MYBPC1: variants seen among roughly 807,000 people sequenced by gnomAD.
MYBPC1 encodes myosin binding protein C1.
Under a neutral mutation model 147.1 loss-of-function variants are expected in MYBPC1, and 52 were observed. That is an observed-to-expected ratio of 0.35 (90% CI 0.28 to 0.45). The LOEUF (loss-of-function observed/expected upper bound fraction) is 0.45. Among genes scored for constraint, MYBPC1 ranks in the 20% least tolerant of loss-of-function variants. The pLI is 1.00. For missense variants in MYBPC1, 1,228 were observed against 1,440.3 expected (o/e 0.85, Z 2.39); for synonymous variants, 477 against 475.9 (o/e 1.00, Z -0.03).
At chr12:101,636,921 A>T in intron 10 of MYBPC1, 193 bp downstream of exon 10, 1 of 571,220 alleles carries the variant, frequency 1.8e-6, no homozygotes, top group Non-Finnish European at 3.1e-6. Flanking sequence ...AGCCTTTAAC[A>T]GTTGCTTTTA....
At chr12:101,658,001 T>G (rs11110935) in intron 18 of MYBPC1, among the ~76,000 whole-genome samples, 34,054 of 151,840 alleles carry the variant, frequency 0.22, 4,098 homozygotes, top group Middle Eastern at 0.34. Context: ...GCGTGGTGGC[T>G]GCGCCTGTAG....
intron 2 of MYBPC1, among the ~76,000 whole-genome samples, chr12:101,615,655 A>ACCCCCCCCCCCCAC (rs1318166562): frequency 2.1e-5 from 1 of 48,172 alleles, no homozygotes; most frequent in Non-Finnish European, 3.5e-5. Context: ...TATTATAAGA[A>ACCCCCCCCCCCCAC]CCCCCCGCCC....
intron 26 of MYBPC1, among the ~76,000 whole-genome samples, chr12:101,676,565 GA>G (rs1464816672): frequency 6.6e-6 from 1 of 152,034 alleles, no homozygotes; most frequent in Non-Finnish European, 1.5e-5. Context: ...GACCAGCCTG[GA>G]CAACATAGGG....
intron 3 of MYBPC1, 35 bp from the exon 4 acceptor site, chr12:101,626,837 T>A (rs1416574786): frequency 5.7e-6 from 9 of 1,579,264 alleles, no homozygotes; most frequent in Non-Finnish European, 7.8e-6. Context: ...TGAAGTCTTT[T>A]CTCCTTGACT....
Position 101,667,816 on chromosome 12 carries a change from T to C in MYBPC1, c.2441T>C (p.Phe814Ser), listed in dbSNP as rs1457011181. ...GGTCTGCCAACAGATGCAAAGATCT[T>C]TGTGCGTGTGAAGGCTGTTAATGCA... ...ITGLPTDAKI[F>S]VRVKAVNAAG... The change falls in exon 23 of 32, where the codon TTT becomes TCT. Residue 814 changes from phenylalanine to serine, a missense_variant. Physicochemically the swap from Phe to Ser is radical, Grantham distance 155 (BLOSUM62 -2). This residue lies in a region of MYBPC1 where 1,077 missense variants were observed against 1,314.2 expected (regional missense o/e 0.82). Transcript: ENST00000361466. The C allele has an allele frequency of 6.2e-7, 1 of 1,614,194 alleles. No homozygotes were observed.
chr12:101,682,313 C>T (rs763350459), intron 29 of MYBPC1, among the ~76,000 whole-genome samples: 6 of 151,804 alleles, frequency 4.0e-5, no homozygotes, highest in East Asian at 3.9e-4. Flanking sequence ...TCCTTAAAAG[C>T]GAATAGTATT....
chr12:101,610,357 C>T (rs898418530), intron 1 of MYBPC1, among the ~76,000 whole-genome samples: 1 of 152,176 alleles, frequency 6.6e-6, no homozygotes, highest in Non-Finnish European at 1.5e-5. Flanking sequence ...TCCCACTTTA[C>T]AGTAGGGGTA....
chr12:101,627,867 T>C (rs113329591), intron 5 of MYBPC1, 63 bp downstream of exon 5: 1 of 1,501,260 alleles, frequency 6.7e-7, no homozygotes. Context: ...ATGAGCTCAT[T>C]TCTTGAAGCT....
At chr12:101,655,374 A>G (rs774525025) in intron 18 of MYBPC1, among the ~76,000 whole-genome samples, 6 of 152,226 alleles carry the variant, frequency 3.9e-5, no homozygotes, top group Non-Finnish European at 5.9e-5. Context: ...TTAATAGCTA[A>G]TTAGACATTG....
chr12:101,659,949 T>G, intron 19 of MYBPC1, 118 bp downstream of exon 19: 1 of 1,337,128 alleles, frequency 7.5e-7, no homozygotes, highest in Non-Finnish European at 1.1e-6. Context: ...CTTATCTTCT[T>G]TTTTTTTCTT....
chr12:101,650,467 A>G (rs1385934627), intron 15 of MYBPC1, among the ~76,000 whole-genome samples: 1 of 152,022 alleles, frequency 6.6e-6, no homozygotes, highest in Non-Finnish European at 1.5e-5. Flanking sequence ...CCTTCTTCAC[A>G]TGGTGGCAGC....
In MYBPC1 at chr12:101,659,991, G is replaced by C. The variant is rs569274005; in HGVS notation, c.1927+160G>C. ...AGGACTTATCATTGGAGAAAGAAGA[G>C]CTAAGGTCAGCCATTTGGGGTTGCT... On this transcript the variant is annotated intron_variant, in intron 19 of 31. Coordinates refer to ENST00000361466, the MANE Select transcript of MYBPC1 (RefSeq NM_002465.4). 90 of 922,060 alleles carry C rather than the reference G, an allele frequency of 9.8e-5. No individual in the cohort carries two copies. The East Asian group carries it at 2.0e-3, about 21-fold the overall frequency. The allele number at this position is 922,060 out of a possible 1,614,324, so 57.1% of individuals were successfully genotyped here.
At chr12:101,602,253 C>T (rs1048366962) in intron 1 of MYBPC1, among the ~76,000 whole-genome samples, 9 of 152,130 alleles carry the variant, frequency 5.9e-5, no homozygotes, top group Admixed American at 3.9e-4. Flanking sequence ...CTTGCTCTGT[C>T]GCCCAGGTCA....
intron 10 of MYBPC1, among the ~76,000 whole-genome samples, chr12:101,637,589 T>C (rs2136128217): frequency 6.6e-6 from 1 of 152,250 alleles, no homozygotes; most frequent in South Asian, 2.1e-4. Context: ...AGTAAAACTA[T>C]AATTTTAAAT....
At chr12:101,660,077 A>G in intron 19 of MYBPC1, 1 of 528,682 alleles carries the variant, frequency 1.9e-6, no homozygotes, top group Non-Finnish European at 3.4e-6. Flanking sequence ...ACTGAAACAC[A>G]ATTGCTAAAT....
intron 18 of MYBPC1, among the ~76,000 whole-genome samples, chr12:101,657,840 T>A (rs1001111833): frequency 1.3e-5 from 2 of 152,066 alleles, no homozygotes; most frequent in Non-Finnish European, 2.9e-5. Flanking sequence ...TATCCTAATA[T>A]CAAAACCAGA....
chr12:101,652,527 T>A, intron 16 of MYBPC1, 151 bp from the exon 17 acceptor site: 1 of 265,682 alleles, frequency 3.8e-6, no homozygotes. Context: ...CTTCTCATCC[T>A]CTCTCTCTCT....
At chr12:101,614,369 T>C (rs1885295880) in intron 1 of MYBPC1, 127 bp from the exon 2 acceptor site, 3 of 906,032 alleles carry the variant, frequency 3.3e-6, no homozygotes, top group Non-Finnish European at 5.4e-6. Context: ...GTTTCCCTCC[T>C]CCATCCCTCT....
At chr12:101,642,314 A>G in intron 10 of MYBPC1, 105 bp from the exon 11 acceptor site, 9 of 1,235,942 alleles carry the variant, frequency 7.3e-6, no homozygotes, top group Non-Finnish European at 1.1e-5. Flanking sequence ...GGCTTTAAAC[A>G]GAGCTTTTTT....
Sources: allele counts gnomAD v4.1 joint callset (sites outside exome capture counted in the v4.1 genomes callset), GRCh38; gene constraint gnomAD v4.1.1; regional missense constraint gnomAD v4.1.1; transcripts MANE v1.5; gene names NCBI Gene and HGNC (gene_info 2026-07-23, HGNC 2026-07-21).